ENTREP2: variants seen among roughly 807,000 people sequenced by gnomAD.
ENTREP2 encodes endosomal transmembrane epsin interactor 2.
At chr15:29,372,039 A>G in the ENTREP2 span, among the ~76,000 whole-genome samples, 1 of 152,230 alleles carries the variant, frequency 6.6e-6, no homozygotes, top group African/African-American at 2.4e-5. Context: ...AACTAGTTTA[A>G]TAATTCACTA....
At chr15:29,456,344 A>C in the ENTREP2 span, among the ~76,000 whole-genome samples, 1 of 152,204 alleles carries the variant, frequency 6.6e-6, no homozygotes, top group Non-Finnish European at 1.5e-5. Context: ...ATCTGACTGC[A>C]TGGAAGAGGA....
the ENTREP2 span, chr15:29,233,634 G>A: frequency 1.3e-6 from 1 of 791,746 alleles, no homozygotes; most frequent in Non-Finnish European, 2.2e-6. Flanking sequence ...GTGTGCGAGA[G>A]CTTAGTTTAT....
chr15:29,326,567 A>G, the ENTREP2 span, among the ~76,000 whole-genome samples: 1 of 152,180 alleles, frequency 6.6e-6, no homozygotes, highest in African/African-American at 2.4e-5. Context: ...GAGTTCAAAG[A>G]TTACCTAAAT....
the ENTREP2 span, among the ~76,000 whole-genome samples, chr15:29,430,878 T>C: frequency 6.6e-6 from 1 of 152,160 alleles, no homozygotes; most frequent in Non-Finnish European, 1.5e-5. Context: ...AATGAAACTG[T>C]GCTAGAGATC....
the ENTREP2 span, among the ~76,000 whole-genome samples, chr15:29,337,679 A>C: frequency 3.3e-5 from 5 of 152,196 alleles, no homozygotes; most frequent in Non-Finnish European, 7.4e-5. Context: ...GACAGAGGCT[A>C]ATCAGAGTTT....
chr15:29,404,572 A>C, the ENTREP2 span, among the ~76,000 whole-genome samples: 2 of 149,682 alleles, frequency 1.3e-5, no homozygotes, highest in African/African-American at 2.5e-5. Context: ...TCCCCCACTC[A>C]CACTCCCCAG....
At chr15:29,282,985 A>C in the ENTREP2 span, among the ~76,000 whole-genome samples, 3 of 152,172 alleles carry the variant, frequency 2.0e-5, no homozygotes, top group African/African-American at 4.8e-5. Context: ...GTTGCTCCCC[A>C]TGGCCTATGA....
At chr15:29,151,925 G>T in the ENTREP2 span, 1 of 943,402 alleles carries the variant, frequency 1.1e-6, no homozygotes, top group South Asian at 1.4e-5. Flanking sequence ...GGCCCAGAAT[G>T]AGCCGAGGTC....
chr15:29,157,046 G>A, the ENTREP2 span, among the ~76,000 whole-genome samples: 24 of 152,272 alleles, frequency 1.6e-4, no homozygotes, highest in Middle Eastern at 3.4e-3. Flanking sequence ...GCCGTGAGCC[G>A]AGATCATGCC....
At chr15:29,570,014 C>G in the ENTREP2 span, 1 of 151,736 alleles carries the variant, frequency 6.6e-6, no homozygotes, top group South Asian at 2.1e-4. Context: ...TGACCCAAAA[C>G]CCGACGGGAG....
chr15:29,460,649 A>G, the ENTREP2 span, among the ~76,000 whole-genome samples: 65,928 of 152,086 alleles, frequency 0.43, 15,976 homozygotes, highest in East Asian at 0.53. Flanking sequence ...AAACAAAACA[A>G]CAACAAGAAA....
At chr15:29,384,406 C>G in the ENTREP2 span, among the ~76,000 whole-genome samples, 1 of 152,186 alleles carries the variant, frequency 6.6e-6, no homozygotes, top group African/African-American at 2.4e-5. Flanking sequence ...CCGGCACGCT[C>G]CTGTTTCACC....
the ENTREP2 span, among the ~76,000 whole-genome samples, chr15:29,380,736 A>C: frequency 6.6e-6 from 1 of 152,150 alleles, no homozygotes; most frequent in African/African-American, 2.4e-5. Flanking sequence ...AAAACACAAA[A>C]ATCTAACATT....
the ENTREP2 span, among the ~76,000 whole-genome samples, chr15:29,540,924 T>G: frequency 6.6e-6 from 1 of 152,232 alleles, no homozygotes; most frequent in African/African-American, 2.4e-5. Context: ...TTATCCTAGA[T>G]GATGTCCTAG....
At chr15:29,344,161 G>T in the ENTREP2 span, among the ~76,000 whole-genome samples, 4 of 152,186 alleles carry the variant, frequency 2.6e-5, no homozygotes, top group East Asian at 1.9e-4. Context: ...GCCAGGCCAC[G>T]ACCTGGGCTG....
chr15:29,499,873 AC>A, the ENTREP2 span, among the ~76,000 whole-genome samples: 10 of 152,346 alleles, frequency 6.6e-5, no homozygotes, highest in South Asian at 2.1e-3. Context: ...AGATTAAAAG[AC>A]AAAAACAGGT....
At chr15:29,568,819 C>T in the ENTREP2 span, among the ~76,000 whole-genome samples, 6 of 141,228 alleles carry the variant, frequency 4.2e-5, no homozygotes, top group Non-Finnish European at 9.5e-5. Context: ...ACTCTTTAAA[C>T]TAAAATGTAG....
chr15:29,460,793 T>C, the ENTREP2 span, among the ~76,000 whole-genome samples: 92,944 of 152,044 alleles, frequency 0.61, 28,632 homozygotes, highest in South Asian at 0.66. Flanking sequence ...AAACCAAATG[T>C]TCTGGCTTAC....
the ENTREP2 span, among the ~76,000 whole-genome samples, chr15:29,311,672 C>T: frequency 1.3e-5 from 2 of 151,706 alleles, no homozygotes; most frequent in Admixed American, 6.6e-5. Flanking sequence ...CCTGGGTGAC[C>T]GAGTGAGACT....
Sources: gnomAD v4.1 joint callset for allele counts (sites outside exome capture counted in the v4.1 genomes callset) on GRCh38, gnomAD v4.1.1 for gene constraint, MANE v1.5 for transcripts, NCBI Gene and HGNC (gene_info 2026-07-23, HGNC 2026-07-21) for gene names.